MIER3: variants seen among roughly 807,000 people sequenced by gnomAD.
MIER3 encodes the protein mesoderm induction early response protein 3.
Under a neutral mutation model 63.2 loss-of-function variants are expected in MIER3, and 9 were observed. The observed-to-expected ratio is 0.14, with a 90% CI of 0.09 to 0.25. The LOEUF (loss-of-function observed/expected upper bound fraction) is 0.25. Among genes scored for constraint, MIER3 ranks in the 10% least tolerant of loss-of-function variants. MIER3 has a pLI of 1.00. For missense variants in MIER3, 512 were observed against 666.2 expected (o/e 0.77, Z 2.55); for synonymous variants, 205 against 224.9 (o/e 0.91, Z 0.79).
In MIER3 at chr5:56,930,633, T is replaced by C. The variant is rs765830723; in HGVS notation, c.829+31A>G. On this transcript the variant is annotated intron_variant, in intron 9 of 12. Transcript: ENST00000381199. ...GATCCCCAAATGACCATCCCTGTCA[T>C]GTCCCTCTCTTAAACCCAAGTGTTT... 4 of 1,576,398 alleles carry C rather than the reference T, an allele frequency of 2.5e-6. No homozygotes were observed. The South Asian group carries it at 4.4e-5, about 17-fold the overall frequency.
Position 56,923,099 on chromosome 5 carries a change from C to T in MIER3, c.*29G>A, listed in dbSNP as rs1749750579. On this transcript the variant is annotated 3_prime_UTR_variant, in exon 13 of 13. Transcript: ENST00000381199. ...GCTCCCCTCAAGTTTACTGGTGCTG[C>T]ACACGCAGTTCCGGGATCCTCACTC... is the stretch of plus-strand genomic sequence containing the variant. 3.1e-6 allele frequency: 5 copies of T among 1,594,856 alleles called. No individual in the cohort carries two copies. Among genetic ancestry groups the T allele is most frequent in the South Asian group, 2.2e-5 (2 of 90,120 alleles).
intron 5 of MIER3, among the ~76,000 whole-genome samples, chr5:56,936,508 C>T (rs1223499564): frequency 6.6e-6 from 1 of 151,614 alleles, no homozygotes; most frequent in Non-Finnish European, 1.5e-5. Context: ...TTAGTCCAAA[C>T]ATTTTATTTA....
chr5:56,928,991 TCACA>T, intron 9 of MIER3, 130 bp from the exon 10 acceptor site: 2 of 454,730 alleles, frequency 4.4e-6, no homozygotes, highest in East Asian at 3.2e-5. Flanking sequence ...ACTCTCTCTC[TCACA>T]CACACACACA....
intron 2 of MIER3, among the ~76,000 whole-genome samples, chr5:56,948,466 C>A (rs1421758774): frequency 6.6e-6 from 1 of 151,984 alleles, no homozygotes; most frequent in Non-Finnish European, 1.5e-5. Flanking sequence ...GAGTTCCAGA[C>A]CAGCCTGGTC....
chr5:56,939,721 C>T (rs1445996), intron 3 of MIER3, among the ~76,000 whole-genome samples: 77,983 of 151,998 alleles, frequency 0.51, 22,395 homozygotes, highest in East Asian at 0.89. Flanking sequence ...TGAATACCTA[C>T]GCCATGCCTC....
At position 56,923,097 on chromosome 5, in the gene MIER3, T is replaced by A; in HGVS notation, c.*31A>T. The A allele has an allele frequency of 1.3e-6, 2 of 1,593,670 alleles. No homozygotes were observed. The highest frequency in any genetic ancestry group is 1.7e-6 in the Non-Finnish European group (2 of 1,164,274). ...TAGCTCCCCTCAAGTTTACTGGTGC[T>A]GCACACGCAGTTCCGGGATCCTCAC... On this transcript the variant is annotated 3_prime_UTR_variant, in exon 13 of 13. Coordinates refer to ENST00000381199, the MANE Select transcript of MIER3 (RefSeq NM_001297599.2).
At chr5:56,951,943 C>T in intron 1 of MIER3, 151 bp downstream of exon 1, 1 of 586,476 alleles carries the variant, frequency 1.7e-6, no homozygotes, top group Non-Finnish European at 2.3e-6. Context: ...CCCGCCACGG[C>T]CAGTCGCCGC....
chr5:56,940,150 T>C (rs1750592534), intron 3 of MIER3, among the ~76,000 whole-genome samples: 1 of 152,094 alleles, frequency 6.6e-6, no homozygotes, highest in South Asian at 2.1e-4. Flanking sequence ...GCCAACATGG[T>C]GAAACCCCGT....
At position 56,930,726 on chromosome 5, in the gene MIER3, T is replaced by C; in HGVS notation, c.767A>G (p.Lys256Arg). 1 of 1,613,690 alleles carries C rather than the reference T, an allele frequency of 6.2e-7. No homozygotes were observed. The highest frequency in any genetic ancestry group is 8.5e-7 in the Non-Finnish European group (1 of 1,179,654). Residue 256 changes from lysine to arginine, a missense_variant, in exon 9 of 13, where the codon AAG becomes AGG. By Grantham distance (26) the Lys-to-Arg change is conservative. Coordinates refer to ENST00000381199, the MANE Select transcript of MIER3 (RefSeq NM_001297599.2). ...DNEQALYELLKCNHNIKEAIE... is the reference protein window; with the variant it reads ...DNEQALYELLRCNHNIKEAIE... ...TGCTTCCTTTATATTGTGGTTACAC[T>C]TGAGAAGTTCATATAATGCCTGGGA... is the stretch of plus-strand genomic sequence containing the variant.
At chr5:56,929,006 C>CACACACA in intron 9 of MIER3, 145 bp from the exon 10 acceptor site, 1 of 438,458 alleles carries the variant, frequency 2.3e-6, no homozygotes, top group Non-Finnish European at 3.9e-6. Flanking sequence ...CACACACACA[C>CACACACA]TCTCTCTCTC....
At chr5:56,929,772 G>T (rs751118510) in intron 9 of MIER3, among the ~76,000 whole-genome samples, 3 of 152,104 alleles carry the variant, frequency 2.0e-5, no homozygotes, top group Non-Finnish European at 4.4e-5. Flanking sequence ...TCTACTTGGG[G>T]CAGAGACCTG....
rs77095998 is a variant in MIER3, at chr5:56,933,757, T to A, written c.596-359A>T. 5.3e-5 allele frequency among the ~76,000 whole-genome samples: 8 copies of A among 152,266 alleles called. No individual in the cohort carries two copies. In the East Asian group the frequency reaches 1.2e-3, roughly 22 times the overall value. On this transcript the variant is annotated intron_variant, in intron 7 of 12. Transcript: ENST00000381199. ...CTGTGTAAATTCTCTAATAACCTCA[T>A]TGGACTTTTCTCTTGAAATCCCTAA...
chr5:56,945,007 TTTTTC>T (rs1253175204), intron 3 of MIER3, among the ~76,000 whole-genome samples: 1 of 152,210 alleles, frequency 6.6e-6, no homozygotes, highest in Non-Finnish European at 1.5e-5. Flanking sequence ...TAAATGCCTT[TTTTTC>T]TTTTAACAAA....
intron 3 of MIER3, among the ~76,000 whole-genome samples, chr5:56,945,016 T>C (rs574375003): frequency 1.1e-3 from 173 of 152,244 alleles, no homozygotes; most frequent in Non-Finnish European, 2.2e-3. Flanking sequence ...TTTTTTCTTT[T>C]AACAAAAAAG....
At chr5:56,926,265 A>G (rs1439470664) in intron 10 of MIER3, among the ~76,000 whole-genome samples, 1 of 151,772 alleles carries the variant, frequency 6.6e-6, no homozygotes, top group East Asian at 1.9e-4. Flanking sequence ...AAAATTAAAA[A>G]CTTTTACTCT....
chr5:56,925,998 G>C (rs1749958263), intron 10 of MIER3, among the ~76,000 whole-genome samples: 1 of 151,976 alleles, frequency 6.6e-6, no homozygotes, highest in Non-Finnish European at 1.5e-5. Flanking sequence ...CATGGAGGAA[G>C]AATGTCTTTT....
chr5:56,926,285 C>G (rs926228494), intron 10 of MIER3, among the ~76,000 whole-genome samples: 1 of 151,894 alleles, frequency 6.6e-6, no homozygotes, highest in Non-Finnish European at 1.5e-5. Context: ...TGCAAACACA[C>G]TGGCAAGGGA....
At position 56,923,195 on chromosome 5, in the gene MIER3, G is replaced by A. The variant is rs1403225670; in HGVS notation, c.1586C>T (p.Ala529Val). 16 of 1,614,048 alleles carry A rather than the reference G, an allele frequency of 9.9e-6. No individual in the cohort carries two copies. The highest frequency in any genetic ancestry group is 1.3e-5 in the Non-Finnish European group (15 of 1,180,008). Residue 529 changes from alanine (A) to valine (V), a missense_variant, in exon 13 of 13, where the codon GCC (alanine) becomes GTC (valine). Transcript: ENST00000381199. ...VSVADFGSLS[A>V]NETNGFISAH... The stretch of plus-strand genomic sequence containing the variant: ...ACTGATGAAACCATTGGTCTCGTTG[G>A]CAGAGAGACTGCCAAAGTCAGCCAC...
At chr5:56,941,910 G>A (rs1328733467) in intron 3 of MIER3, among the ~76,000 whole-genome samples, 2 of 152,132 alleles carry the variant, frequency 1.3e-5, no homozygotes, top group African/African-American at 4.8e-5. Context: ...CACTGGACGT[G>A]GGAGGGAAAG....
Sources: gnomAD v4.1 joint callset for allele counts (sites outside exome capture counted in the v4.1 genomes callset) on GRCh38, gnomAD v4.1.1 for gene constraint, MANE v1.5 for transcripts, NCBI Gene and HGNC (gene_info 2026-07-23, HGNC 2026-07-21) for gene names.